The following MLLT1 variants were observed in gnomAD, a reference collection of about 807,000 sequenced individuals.
MLLT1 encodes the protein MLLT1 super elongation complex subunit.
A neutral mutation model predicts 55.1 loss-of-function variants in MLLT1; 11 were observed. That is an observed-to-expected ratio of 0.20 (90% confidence interval 0.13 to 0.33). The LOEUF is 0.33. Among genes scored for constraint, MLLT1 ranks in the 10% least tolerant of loss-of-function variants. The probability of loss-of-function intolerance (pLI) is 1.00; values close to 1 mark genes in which losing one functional copy is unlikely to be tolerated. For synonymous variants in MLLT1, 323 were observed against 320.1 expected (o/e 1.01, Z -0.10); for missense variants, 536 against 760.6 (o/e 0.70, Z 3.47).
At position 6,219,303 on chromosome 19, in the gene MLLT1, T is replaced by C. The variant is rs1435670085; in HGVS notation, c.1111-1262A>G. On this transcript the variant is annotated intron_variant, in intron 6 of 11. Coordinates refer to ENST00000252674, the MANE Select transcript of MLLT1 (RefSeq NM_005934.4). This position sits in a 1 kb window ranked among gnomAD's most constrained non-coding sequence, Gnocchi z 4.5. ...GCCCCTTCCCACCAACACATGGCGC[T>C]CCCTGATGAATCATCACTGGGAAAG... Among the ~76,000 whole-genome samples, 2 of 151,914 alleles carry C rather than the reference T, an allele frequency of 1.3e-5. No homozygotes were observed. Among genetic ancestry groups the C allele is most frequent in the African/African-American group, 4.8e-5 (2 of 41,334 alleles).
intron 8 of MLLT1, among the ~76,000 whole-genome samples, chr19:6,214,313 C>A (rs1016253061): frequency 6.6e-6 from 1 of 152,244 alleles, no homozygotes; most frequent in Non-Finnish European, 1.5e-5. Flanking sequence ...CAAAGCCCCC[C>A]AGCCAATGGG....
intron 3 of MLLT1, among the ~76,000 whole-genome samples, chr19:6,248,395 G>A (rs1354755020): frequency 6.6e-6 from 1 of 152,196 alleles, no homozygotes; most frequent in Non-Finnish European, 1.5e-5. Context: ...TGGACTTAGT[G>A]ACCTGCTTCT....
In MLLT1 at chr19:6,233,801, C is replaced by T. The variant is rs367591445; in HGVS notation, c.277-3088G>A. The stretch of plus-strand genomic sequence containing the variant: ...ACTGAATGTATCCCTAACCGACACG[C>T]CCCCCGCCAAGTCCACACTTCCCCT... On this transcript the variant is annotated intron_variant, in intron 3 of 11. Transcript: ENST00000252674. 1.7e-4 allele frequency among the ~76,000 whole-genome samples: 26 copies of T among 152,200 alleles called. No homozygotes were observed. In the South Asian group the frequency reaches 3.9e-3, roughly 23 times the overall value.
At chr19:6,245,802 G>A (rs1377767488) in intron 3 of MLLT1, among the ~76,000 whole-genome samples, 1 of 152,246 alleles carries the variant, frequency 6.6e-6, no homozygotes, top group Non-Finnish European at 1.5e-5. Context: ...GGGAGGCTAA[G>A]GCAGGAGGAC....
In MLLT1 at chr19:6,240,452, C is replaced by T. The variant is rs2091103961; in HGVS notation, c.277-9739G>A. Among the ~76,000 whole-genome samples, 1 of 152,232 alleles carries T rather than the reference C, an allele frequency of 6.6e-6. No homozygotes were observed. The highest frequency in any genetic ancestry group is 6.5e-5 in the Admixed American group (1 of 15,282). On this transcript the variant is annotated intron_variant, in intron 3 of 11. Transcript: ENST00000252674. This position sits in a 1 kb window ranked among gnomAD's most constrained non-coding sequence, Gnocchi z 4.7. The stretch of plus-strand genomic sequence containing the variant: ...GGGCGGGCTCCAAGCGGAGCTGGCA[C>T]CCGGCGCAGGTGACGTTGCCCATCT...
In MLLT1 at chr19:6,213,933, G is replaced by A. The variant is rs199880646; in HGVS notation, c.1407+6C>T. 2 of 1,453,180 alleles carry A rather than the reference G, an allele frequency of 1.4e-6. No homozygotes were observed. The highest frequency in any genetic ancestry group is 1.8e-6 in the Non-Finnish European group (2 of 1,090,264). The allele number at this position is 1,453,180 out of a possible 1,614,324, so 90.0% of individuals were successfully genotyped here. On this transcript the variant is annotated splice_donor_region_variant and intron_variant, in intron 9 of 11. Transcript: ENST00000252674. ...TGCACCCCCTGCCTGCAGGCCCCAG[G>A]CTCACCTTGCTGTTGGGCGGGGGTG...
chr19:6,213,120 G>A lies in MLLT1; in HGVS notation c.1602C>T (p.Thr534=). The A allele has an allele frequency of 6.2e-7, 1 of 1,614,024 alleles. No homozygotes were observed. The highest frequency in any genetic ancestry group is 1.1e-5 in the South Asian group (1 of 91,084). The change falls in exon 12 of 12, where the codon ACC becomes ACT. Residue 534 remains threonine (T), a synonymous_variant. Transcript: ENST00000252674. ...ETGHFNVTNT[T]FDFDLFSLDE... is the part of the protein sequence containing the mutation. ...CCAGGGAGAAGAGGTCGAAGTCGAA[G>A]GTGGTGTTGGTGACATTGAAGTGGC...
rs145815043 is a variant in MLLT1, at chr19:6,226,223, A to G, written c.546+754T>C. The stretch of plus-strand genomic sequence containing the variant: ...GTGGAGAGATGTGTGGGTGGCAGGC[A>G]CCGGGCAGCTGCCCCGAGGGCCCGT... On this transcript the variant is annotated intron_variant, in intron 5 of 11. Transcript: ENST00000252674. This position sits in a 1 kb window ranked among gnomAD's most constrained non-coding sequence, Gnocchi z 6.3. 0.018 allele frequency among the ~76,000 whole-genome samples: 2,710 copies of G among 152,254 alleles called. 38 individuals are homozygous for G. The highest frequency in any genetic ancestry group is 0.051 in the Middle Eastern group (15 of 294).
chr19:6,228,517 C>T lies in MLLT1; in HGVS notation c.421-1415G>A, dbSNP rs142344811. ...ATGGGGGCAGAGACAAGACACGGTC[C>T]TAAGGGGCACAAGGCTGGAACGGCG... On this transcript the variant is annotated intron_variant, in intron 4 of 11. Transcript: ENST00000252674. Among the ~76,000 whole-genome samples, 244 of 152,292 alleles carry T rather than the reference C, an allele frequency of 1.6e-3. 1 individual carries two copies. The highest frequency in any genetic ancestry group is 5.8e-3 in the African/African-American group (239 of 41,562).
At position 6,226,938 on chromosome 19, in the gene MLLT1, C is replaced by A; in HGVS notation, c.546+39G>T. On this transcript the variant is annotated intron_variant, in intron 5 of 11. Transcript: ENST00000252674. The surrounding 1 kb of genome is among the most constrained non-coding windows in gnomAD (Gnocchi z 6.3). ...GGGCCAGACCCACCACAGCTGGGCC[C>A]CGGCGCTCCCACGCGACTGGGCCTT... The A allele has an allele frequency of 6.6e-7, 1 of 1,515,078 alleles. No individual in the cohort carries two copies. Among genetic ancestry groups the A allele is most frequent in the Non-Finnish European group, 8.8e-7 (1 of 1,132,594 alleles). The allele number at this position is 1,515,078 out of a possible 1,614,324, so 93.9% of individuals were successfully genotyped here.
At position 6,229,315 on chromosome 19, in the gene MLLT1, G is replaced by C. The variant is rs2090983724; in HGVS notation, c.420+1255C>G. Among the ~76,000 whole-genome samples, 1 of 152,096 alleles carries C rather than the reference G, an allele frequency of 6.6e-6. No homozygotes were observed. The highest frequency in any genetic ancestry group is 2.4e-5 in the African/African-American group (1 of 41,392). On this transcript the variant is annotated intron_variant, in intron 4 of 11. Transcript: ENST00000252674. This position sits in a 1 kb window ranked among gnomAD's most constrained non-coding sequence, Gnocchi z 5.2. ...TCCCCGGATCAGAACCACAAGCAGG[G>C]CTTCACAAGGATCACAGCAGGACTC...
At chr19:6,238,176 T>C (rs2091081042) in intron 3 of MLLT1, among the ~76,000 whole-genome samples, 1 of 152,216 alleles carries the variant, frequency 6.6e-6, no homozygotes, top group African/African-American at 2.4e-5. Context: ...AAAAGACGTA[T>C]GTCCACACAC....
rs1422581028 is a variant in MLLT1 at position 6,211,293 on chromosome 19, G to A, written c.*1749C>T. The A allele has an allele frequency of 4.3e-6, 1 of 232,788 alleles. No individual in the cohort carries two copies. Among genetic ancestry groups the A allele is most frequent in the Non-Finnish European group, 8.5e-6 (1 of 117,570 alleles). The allele number at this position is 232,788 out of a possible 1,614,324, so 14.4% of individuals were successfully genotyped here. A position where few individuals can be genotyped will look rare whatever the true frequency, so the allele number is the denominator to read the frequency against. ...GGGCACAGGGGCCTGCCCTCTTCCTGATACCTGAAGGCAGTGGGGCCGGGA... is the reference window on the plus strand; with the variant it reads ...GGGCACAGGGGCCTGCCCTCTTCCTAATACCTGAAGGCAGTGGGGCCGGGA... On this transcript the variant is annotated 3_prime_UTR_variant, in exon 12 of 12. Transcript: ENST00000252674. This position sits in a 1 kb window ranked among gnomAD's most constrained non-coding sequence, Gnocchi z 4.6.
intron 3 of MLLT1, among the ~76,000 whole-genome samples, chr19:6,233,645 T>C (rs894002659): frequency 1.3e-5 from 2 of 152,164 alleles, no homozygotes; most frequent in African/African-American, 4.8e-5. Flanking sequence ...ACGCGAGAGG[T>C]GGTGCCTGTG....
intron 4 of MLLT1, among the ~76,000 whole-genome samples, chr19:6,228,664 C>CG (rs1308295627): frequency 2.0e-5 from 3 of 152,184 alleles, no homozygotes; most frequent in Non-Finnish European, 2.9e-5. Context: ...GCACCCACGG[C>CG]GGGGGGCTGG....
intron 3 of MLLT1, among the ~76,000 whole-genome samples, chr19:6,250,810 C>A (rs2091206668): frequency 6.6e-6 from 1 of 152,184 alleles, no homozygotes; most frequent in Non-Finnish European, 1.5e-5. Flanking sequence ...CAAAGCCGTA[C>A]TTATTCACAA....
chr19:6,221,790 C>T (rs909891560), intron 6 of MLLT1, among the ~76,000 whole-genome samples: 2 of 152,218 alleles, frequency 1.3e-5, no homozygotes, highest in Non-Finnish European at 2.9e-5. Flanking sequence ...GGCACCAGAG[C>T]GGCCAAGACC....
rs1445123519 is a variant in MLLT1 at position 6,211,138 on chromosome 19, G to T, written c.*1904C>A. The T allele has an allele frequency of 4.3e-6, 1 of 232,662 alleles. No individual in the cohort carries two copies. The highest frequency in any genetic ancestry group is 8.5e-6 in the Non-Finnish European group (1 of 117,740). 14.4% of individuals were successfully genotyped at this position (232,662 alleles called of 1,614,324 possible). A position where few individuals can be genotyped will look rare whatever the true frequency, so the allele number is the denominator to read the frequency against. On this transcript the variant is annotated 3_prime_UTR_variant, in exon 12 of 12. Transcript: ENST00000252674. This position sits in a 1 kb window ranked among gnomAD's most constrained non-coding sequence, Gnocchi z 4.6. Reference sequence around the variant, plus strand: ...ACCCCGGCGGCCTCTTGTGCGTAGAGCTCCCAGCAGCACGGGCCCCCGGTC... The same window carrying T: ...ACCCCGGCGGCCTCTTGTGCGTAGATCTCCCAGCAGCACGGGCCCCCGGTC...
chr19:6,243,912 C>G (rs1209951913), intron 3 of MLLT1, among the ~76,000 whole-genome samples: 1 of 151,760 alleles, frequency 6.6e-6, no homozygotes, highest in African/African-American at 2.4e-5. Context: ...GGCATGGTGG[C>G]GGGCGCCTGT....
Sources: allele counts gnomAD v4.1 joint callset (sites outside exome capture counted in the v4.1 genomes callset), GRCh38; gene constraint gnomAD v4.1.1; non-coding constraint Gnocchi (gnomAD v3.1); transcripts MANE v1.5; gene names NCBI Gene and HGNC (gene_info 2026-07-23, HGNC 2026-07-21).